Variants in MISFA observed in about 807,000 individuals in gnomAD.
MISFA encodes the protein mitochondrial sheath formation associated.
chr11:18,606,248 G>C, the MISFA span, among the ~76,000 whole-genome samples: 2 of 152,334 alleles, frequency 1.3e-5, no homozygotes, highest in Admixed American at 6.5e-5. Context: ...ACATGAATGT[G>C]TAAGGGAGAA....
the MISFA span, chr11:18,603,953 G>C: frequency 7.1e-6 from 2 of 283,124 alleles, no homozygotes; most frequent in Admixed American, 1.5e-4. Flanking sequence ...TTGAGACAGA[G>C]TCTCGCTGTG....
At chr11:18,603,262 TA>T in the MISFA span, 1 of 398,832 alleles carries the variant, frequency 2.5e-6, no homozygotes, top group Non-Finnish European at 4.4e-6. Context: ...CAAAACAAAC[TA>T]AGTATGAAAA....
At chr11:18,606,016 A>G in the MISFA span, among the ~76,000 whole-genome samples, 1 of 152,140 alleles carries the variant, frequency 6.6e-6, no homozygotes, top group African/African-American at 2.4e-5. Context: ...CTTCTCAGCC[A>G]TCTCAAGCTG....
At chr11:18,603,844 A>G in the MISFA span, 1 of 389,994 alleles carries the variant, frequency 2.6e-6, no homozygotes, top group Non-Finnish European at 4.5e-6. Flanking sequence ...CCAGCTGTAC[A>G]GTTCCTGTTG....
the MISFA span, chr11:18,601,223 C>T: frequency 5.0e-6 from 2 of 398,522 alleles, no homozygotes; most frequent in Non-Finnish European, 8.8e-6. Context: ...TCCTCCCTTT[C>T]CAAAGTACTT....
the MISFA span, chr11:18,603,108 A>G: frequency 0.016 from 6,347 of 399,050 alleles, 385 homozygotes; most frequent in African/African-American, 0.12. Flanking sequence ...CCACCAGCTG[A>G]GAAAGAAGCC....
At chr11:18,602,784 G>T in the MISFA span, 4 of 221,184 alleles carry the variant, frequency 1.8e-5, no homozygotes, top group Non-Finnish European at 3.5e-5. Context: ...TGCCAGCTAG[G>T]TCCAAATCAC....
chr11:18,602,468 T>TATTC, the MISFA span: 1 of 152,618 alleles, frequency 6.6e-6, no homozygotes, highest in Admixed American at 6.5e-5. Flanking sequence ...CCACTTAAAC[T>TATTC]ATTCTGTGCC....
the MISFA span, chr11:18,609,677 T>G: frequency 1.6e-6 from 1 of 610,066 alleles, no homozygotes; most frequent in Non-Finnish European, 2.9e-6. Context: ...CATTACAGAT[T>G]TCACCCTGGA....
the MISFA span, chr11:18,609,677 T>A: frequency 1.6e-6 from 1 of 610,066 alleles, no homozygotes; most frequent in South Asian, 2.0e-5. Flanking sequence ...CATTACAGAT[T>A]TCACCCTGGA....
the MISFA span, among the ~76,000 whole-genome samples, chr11:18,604,386 T>C: frequency 2.0e-5 from 3 of 151,680 alleles, no homozygotes; most frequent in Non-Finnish European, 1.5e-5. Context: ...CCTGGCGCGA[T>C]GGCTCACACG....
chr11:18,604,892 C>A, the MISFA span, among the ~76,000 whole-genome samples: 3 of 152,130 alleles, frequency 2.0e-5, no homozygotes, highest in South Asian at 2.1e-4. Flanking sequence ...AAGAGCCAAA[C>A]AAGAGACTGT....
chr11:18,604,215 T>G, the MISFA span, among the ~76,000 whole-genome samples: 1 of 151,196 alleles, frequency 6.6e-6, no homozygotes, highest in South Asian at 2.2e-4. Context: ...CGTGAGCCAA[T>G]GTGCCCGGCA....
At chr11:18,608,843 A>C in the MISFA span, 1 of 152,636 alleles carries the variant, frequency 6.6e-6, no homozygotes, top group Non-Finnish European at 1.5e-5. Context: ...CAAAAAGAGA[A>C]GGTGGTGCTC....
chr11:18,599,901 T>C, the MISFA span: 20 of 398,886 alleles, frequency 5.0e-5, no homozygotes, highest in Non-Finnish European at 8.0e-5. Flanking sequence ...TGTGCAATTT[T>C]ATCTTAGAAA....
the MISFA span, chr11:18,602,027 T>A: frequency 2.0e-5 from 3 of 152,232 alleles, no homozygotes; most frequent in African/African-American, 7.2e-5. Flanking sequence ...CCTCAACTAT[T>A]TACCTGAGGC....
the MISFA span, among the ~76,000 whole-genome samples, chr11:18,604,771 C>T: frequency 3.3e-5 from 5 of 152,120 alleles, no homozygotes; most frequent in Admixed American, 1.3e-4. Context: ...TACAAAATGG[C>T]AAAAATGAAG....
At chr11:18,609,682 C>G in the MISFA span, 2 of 612,750 alleles carry the variant, frequency 3.3e-6, no homozygotes, top group Non-Finnish European at 5.7e-6. Flanking sequence ...CAGATTTCAC[C>G]CTGGAAAATA....
At chr11:18,601,862 G>C in the MISFA span, 9 of 243,248 alleles carry the variant, frequency 3.7e-5, no homozygotes, top group African/African-American at 1.8e-4. Flanking sequence ...AGTTTCTTCT[G>C]TACAACAGGA....
Sources: gnomAD v4.1 joint callset for allele counts (sites outside exome capture counted in the v4.1 genomes callset) on GRCh38, gnomAD v4.1.1 for gene constraint, MANE v1.5 for transcripts, NCBI Gene and HGNC (gene_info 2026-07-23, HGNC 2026-07-21) for gene names.